The following IQANK1 variants were observed in gnomAD, a reference collection of about 807,000 sequenced individuals.
The protein encoded by IQANK1 is IQ motif and ankyrin repeat domain-containing protein 1.
IQANK1 carries 30 observed loss-of-function variants against 22.6 expected under a neutral mutation model. The ratio of observed to expected loss-of-function variants is 1.33; its 90% CI spans 0.99 to 1.80. IQANK1 has a LOEUF of 1.80. Ranked by LOEUF, IQANK1 falls within the 40% of genes most tolerant of loss-of-function variation. The probability of loss-of-function intolerance (pLI) is 0.00; values close to 1 mark genes in which losing one functional copy is unlikely to be tolerated. For missense variants in IQANK1, 275 were observed against 235.2 expected (o/e 1.17, Z -1.11); for synonymous variants, 122 against 99.6 (o/e 1.23, Z -1.34).
At chr8:143,753,195 G>A (rs1819228549) in intron 3 of IQANK1, among the ~76,000 whole-genome samples, 1 of 151,648 alleles carries the variant, frequency 6.6e-6, no homozygotes, top group Non-Finnish European at 1.5e-5. Flanking sequence ...TTTATTTCTT[G>A]TAGAGACAGG....
intron 3 of IQANK1, among the ~76,000 whole-genome samples, chr8:143,768,560 C>T (rs983181802): frequency 7.2e-5 from 11 of 152,064 alleles, no homozygotes; most frequent in Admixed American, 2.0e-4. Flanking sequence ...CTTGTGTGCC[C>T]GATGGGAATC....
chr8:143,786,826 G>A (rs982959525), intron 7 of IQANK1, among the ~76,000 whole-genome samples: 4 of 152,162 alleles, frequency 2.6e-5, no homozygotes, highest in African/African-American at 4.8e-5. Flanking sequence ...GGCTGTGAAC[G>A]CCTGAGGAGC....
intron 3 of IQANK1, among the ~76,000 whole-genome samples, chr8:143,767,583 A>G (rs1819501831): frequency 1.3e-5 from 2 of 152,172 alleles, no homozygotes; most frequent in Non-Finnish European, 2.9e-5. Flanking sequence ...CAACACTAGC[A>G]TAAAACCATT....
At chr8:143,762,817 C>A (rs1462031321) in intron 3 of IQANK1, among the ~76,000 whole-genome samples, 1 of 152,150 alleles carries the variant, frequency 6.6e-6, no homozygotes, top group Non-Finnish European at 1.5e-5. Flanking sequence ...CCATCATTTT[C>A]TATTGAAATA....
Position 143,751,664 on chromosome 8 carries a change from G to GTGTGTATATA in IQANK1, c.175+11717_175+11718insGTGTATATAT, listed in dbSNP as rs370428606. Among the ~76,000 whole-genome samples the GTGTGTATATA allele has an allele frequency of 1.9e-3, 115 of 61,544 alleles. 2 individuals are homozygous for GTGTGTATATA. Among genetic ancestry groups the GTGTGTATATA allele is most frequent in the Middle Eastern group, 9.3e-3 (1 of 108 alleles). 40.4% of individuals were successfully genotyped at this position (61,544 alleles called of 152,430 possible). ...TGTGTGTGTGTGTGTGTGTGTGTGT[G>GTGTGTATATA]TATATATATATATAAAATCCTATAC... is the stretch of plus-strand genomic sequence containing the variant. On this transcript the variant is annotated intron_variant, in intron 3 of 13. Transcript: ENST00000527139.
chr8:143,772,656 G>A (rs1273641530), intron 7 of IQANK1, among the ~76,000 whole-genome samples, 174 bp downstream of exon 7: 1 of 152,224 alleles, frequency 6.6e-6, no homozygotes, highest in Non-Finnish European at 1.5e-5. Context: ...AGAAGCCTGA[G>A]TGGCCTGCTA....
At position 143,774,198 on chromosome 8, in the gene IQANK1, T is replaced by C. The variant is rs1249419015; in HGVS notation, c.789+1716T>C. Among the ~76,000 whole-genome samples the C allele has an allele frequency of 1.3e-5, 2 of 150,544 alleles. No individual in the cohort carries two copies. The highest frequency in any genetic ancestry group is 4.9e-5 in the African/African-American group (2 of 40,812). On this transcript the variant is annotated intron_variant, in intron 7 of 13. Coordinates refer to ENST00000527139, the MANE Select transcript of IQANK1 (RefSeq NM_001381874.1). The surrounding 1 kb of genome is among the most constrained non-coding windows in gnomAD (Gnocchi z 4.2). ...AATCCAAAAAAAAAAAAAAACCACA[T>C]TGATAAACAGAACTTCATCAGAATG...
intron 7 of IQANK1, among the ~76,000 whole-genome samples, chr8:143,773,899 G>A (rs1461091275): frequency 2.6e-5 from 4 of 152,096 alleles, no homozygotes; most frequent in African/African-American, 9.7e-5. Context: ...GGGGCATGGT[G>A]GCCCGGAGAG....
intron 3 of IQANK1, chr8:143,743,079 C>A: frequency 2.2e-6 from 1 of 455,250 alleles, no homozygotes; most frequent in Non-Finnish European, 4.4e-6. Flanking sequence ...TAGCAGCCAC[C>A]ACATCTACCA....
intron 1 of IQANK1, among the ~76,000 whole-genome samples, chr8:143,734,481 C>G (rs1304927841): frequency 6.7e-6 from 1 of 149,696 alleles, no homozygotes; most frequent in Non-Finnish European, 1.5e-5. Flanking sequence ...GCCGCAGTGA[C>G]CCCCCCATGC....
At chr8:143,752,354 C>T (rs1480417673) in intron 3 of IQANK1, among the ~76,000 whole-genome samples, 1 of 152,170 alleles carries the variant, frequency 6.6e-6, no homozygotes, top group East Asian at 1.9e-4. Context: ...TATTGAGGAT[C>T]CCTTGTATGT....
At chr8:143,747,752 C>T (rs571586729) in intron 3 of IQANK1, among the ~76,000 whole-genome samples, 9 of 152,134 alleles carry the variant, frequency 5.9e-5, no homozygotes, top group East Asian at 3.9e-4. Context: ...AGAAACTTTG[C>T]GCAGCGTGAT....
chr8:143,781,942 T>C (rs782439229), intron 7 of IQANK1, among the ~76,000 whole-genome samples: 29 of 152,230 alleles, frequency 1.9e-4, no homozygotes, highest in Non-Finnish European at 3.7e-4. Flanking sequence ...ATTCTTCCTA[T>C]CCGTGAGCAT....
At chr8:143,789,302 G>A in intron 9 of IQANK1, 59 bp downstream of exon 9, 1 of 418,916 alleles carries the variant, frequency 2.4e-6, no homozygotes, top group Non-Finnish European at 4.1e-6. Context: ...GTGGGGAGGA[G>A]GGGGAGCCGA....
At chr8:143,739,734 G>A in intron 2 of IQANK1, 125 bp from the exon 3 acceptor site, 1 of 577,442 alleles carries the variant, frequency 1.7e-6, no homozygotes, top group Non-Finnish European at 3.1e-6. Context: ...TCGGGAGGAG[G>A]CCCGGGTGGG....
Position 143,789,822 on chromosome 8 carries a change from A to C in IQANK1, c.1148A>C (p.Glu383Ala), listed in dbSNP as rs782570323. The change falls in exon 11 of 14, where the codon GAG (glutamate) becomes GCG (alanine). Residue 383 changes from glutamate (E) to alanine (A), a missense_variant. Glu to Ala is a moderately radical substitution (Grantham distance 107). Transcript: ENST00000527139. Reference sequence around the variant, plus strand: ...CGGCAGGAGGCCCAGAAGGCCGAGGAGGCGCTGGCTATGGCCAGGCTGGAG... The same window carrying C: ...CGGCAGGAGGCCCAGAAGGCCGAGGCGGCGCTGGCTATGGCCAGGCTGGAG... ...RLRQEAQKAE[E>A]ALAMARLELR... 54 of 1,232,066 alleles carry C rather than the reference A, an allele frequency of 4.4e-5. No homozygotes were observed. Among genetic ancestry groups the C allele is most frequent in the Non-Finnish European group, 4.3e-5 (42 of 988,182 alleles). The allele number at this position is 1,232,066 out of a possible 1,614,324, so 76.3% of individuals were successfully genotyped here.
At chr8:143,754,786 C>T (rs1010380058) in intron 3 of IQANK1, among the ~76,000 whole-genome samples, 12 of 152,012 alleles carry the variant, frequency 7.9e-5, no homozygotes, top group Admixed American at 1.3e-4. Flanking sequence ...CCACCACGCC[C>T]GGCTAATTTT....
chr8:143,782,162 T>A (rs1587493350), intron 7 of IQANK1, among the ~76,000 whole-genome samples: 2 of 152,228 alleles, frequency 1.3e-5, no homozygotes, highest in Admixed American at 1.3e-4. Context: ...TACATTTATT[T>A]TGTATCCTGA....
intron 7 of IQANK1, among the ~76,000 whole-genome samples, chr8:143,786,160 G>A (rs995738613): frequency 1.3e-5 from 2 of 152,210 alleles, no homozygotes; most frequent in East Asian, 1.9e-4. Flanking sequence ...ACCTTGCCTG[G>A]CCATGTCATA....
Sources: allele counts gnomAD v4.1 joint callset (sites outside exome capture counted in the v4.1 genomes callset), GRCh38; gene constraint gnomAD v4.1.1; non-coding constraint Gnocchi (gnomAD v3.1); transcripts MANE v1.5; gene names NCBI Gene and HGNC (gene_info 2026-07-23, HGNC 2026-07-21).